Variants in ACO2 observed in about 807,000 individuals in gnomAD.
ACO2 encodes aconitate hydratase, mitochondrial.
In ACO2, 31 loss-of-function variants were observed where a neutral mutation model predicts 84.5. That is an observed-to-expected ratio of 0.37 (90% CI 0.28 to 0.50). The LOEUF is 0.50. Among genes scored for constraint, ACO2 ranks in the 20% least tolerant of loss-of-function variants. ACO2 has a pLI of 0.97. For missense variants in ACO2, 685 were observed against 1,029.3 expected (o/e 0.67, Z 4.58); for synonymous variants, 414 against 412.7 (o/e 1.00, Z -0.04).
At chr22:41,490,556 A>G (rs2066264709) in intron 1 of ACO2, among the ~76,000 whole-genome samples, 1 of 152,196 alleles carries the variant, frequency 6.6e-6, no homozygotes, top group Non-Finnish European at 1.5e-5. Flanking sequence ...CGCGGACAGT[A>G]CCTTTGCCTG....
chr22:41,512,031 T>G, intron 4 of ACO2, 63 bp downstream of exon 4: 7 of 1,362,474 alleles, frequency 5.1e-6, no homozygotes, highest in South Asian at 2.7e-5. Context: ...TCCAGGCCTA[T>G]GGGGGGAGGG....
chr22:41,520,754 A>AT (rs1695944726), intron 9 of ACO2, among the ~76,000 whole-genome samples: 1 of 151,758 alleles, frequency 6.6e-6, no homozygotes, highest in African/African-American at 2.4e-5. Context: ...AGGCAGGAGA[A>AT]TCGCTTGAAC....
intron 1 of ACO2, among the ~76,000 whole-genome samples, chr22:41,470,984 C>A (rs2037939770): frequency 6.6e-6 from 1 of 152,190 alleles, no homozygotes; most frequent in Admixed American, 6.5e-5. Context: ...AGAATAGTAT[C>A]ACACCATTTT....
At position 41,527,962 on chromosome 22, in the gene ACO2, C is replaced by G. The variant is rs770657342; in HGVS notation, c.2148C>G (p.Asn716Lys). The G allele has an allele frequency of 5.0e-6, 8 of 1,614,068 alleles. No homozygotes were observed. The highest frequency in any genetic ancestry group is 2.2e-5 in the South Asian group (2 of 91,088). The change falls in exon 17 of 18, where the codon AAC (asparagine) becomes AAG (lysine). Residue 716 changes from asparagine to lysine, a missense_variant. By Grantham distance (94) the Asn-to-Lys change is moderately conservative. This residue lies in a region of ACO2 where 174 missense variants were observed against 236.6 expected (regional missense o/e 0.74). Transcript: ENST00000216254. ...PLTFADPADYNKIHPVDKLTI... is the reference protein window; with the variant it reads ...PLTFADPADYKKIHPVDKLTI... ...CCTTCGCTGACCCGGCTGACTACAACAAGATTCACCCTGTGGACAAGCTGA... is the reference window on the plus strand; with the variant it reads ...CCTTCGCTGACCCGGCTGACTACAAGAAGATTCACCCTGTGGACAAGCTGA...
At chr22:41,526,716 CAAGG>C (rs2066605283) in intron 15 of ACO2, 1 of 429,884 alleles carries the variant, frequency 2.3e-6, no homozygotes, top group Non-Finnish European at 4.2e-6. Flanking sequence ...TAGACAAAGA[CAAGG>C]AAGGGGGCCG....
At chr22:41,510,281 C>T (rs563888546) in intron 3 of ACO2, among the ~76,000 whole-genome samples, 2 of 152,352 alleles carry the variant, frequency 1.3e-5, no homozygotes, top group African/African-American at 4.8e-5. Flanking sequence ...GGTCCTCCCA[C>T]ACCCCTTCCT....
In ACO2 at chr22:41,478,763, T is replaced by TC. The variant is rs1491104365; in HGVS notation, c.36+9582dup. ...CCCGCCCTGTCCCTGCCACATATCT[T>TC]CTTTTTTTTTTTTTTTTTTTTGAGA... On this transcript the variant is annotated intron_variant, in intron 1 of 17. Transcript: ENST00000216254. Among the ~76,000 whole-genome samples the TC allele has an allele frequency of 3.4e-3, 501 of 148,908 alleles. 3 individuals carry two copies. The highest frequency in any genetic ancestry group is 5.6e-3 in the Non-Finnish European group (376 of 67,404).
At chr22:41,524,653 G>A (rs1044800836) in intron 12 of ACO2, among the ~76,000 whole-genome samples, 193 bp from the exon 13 acceptor site, 2 of 152,238 alleles carry the variant, frequency 1.3e-5, no homozygotes, top group Admixed American at 6.5e-5. Context: ...GGCTTCCTGA[G>A]TCCTCTGCAG....
At chr22:41,486,376 C>G (rs897987395) in intron 1 of ACO2, among the ~76,000 whole-genome samples, 6 of 152,018 alleles carry the variant, frequency 3.9e-5, no homozygotes, top group Admixed American at 2.0e-4. Context: ...TCACTGCAAC[C>G]TCTGCCTCCC....
intron 1 of ACO2, among the ~76,000 whole-genome samples, chr22:41,471,124 T>C (rs1277281476): frequency 1.3e-5 from 2 of 152,148 alleles, no homozygotes; most frequent in Admixed American, 6.6e-5. Context: ...ATGATCTTCA[T>C]TGAACAAATG....
rs2006715 is a variant in ACO2 at position 41,523,846 on chromosome 22, G to A, written c.1387G>A (p.Gly463Arg). 4 of 1,612,042 alleles carry A rather than the reference G, an allele frequency of 2.5e-6. No individual in the cohort carries two copies. The highest frequency in any genetic ancestry group is 1.7e-5 in the Admixed American group (1 of 60,010). The change falls in exon 12 of 18, where the codon GGG becomes AGG. Residue 463 changes from glycine (G) to arginine (R), a missense_variant. Coordinates refer to ENST00000216254, the MANE Select transcript of ACO2 (RefSeq NM_001098.3). The part of the protein sequence containing the change: ...GQWDRKDIKK[G>R]EKNTIVTSYN... ...ACCTGGCAGGAAGGACATCAAGAAG[G>A]GGGAGAAGAACACAATCGTCACCTC...
In ACO2 at chr22:41,519,271, G is replaced by C. The variant is rs542806965; in HGVS notation, c.1032+699G>C. On this transcript the variant is annotated intron_variant, in intron 8 of 17. Transcript: ENST00000216254. ...GAGGAAGGGCAGGCTAGAGGATCCCGTCTGCAGGAGTTCACACCTCGGCTC... is the reference window on the plus strand; with the variant it reads ...GAGGAAGGGCAGGCTAGAGGATCCCCTCTGCAGGAGTTCACACCTCGGCTC... 5.9e-5 allele frequency among the ~76,000 whole-genome samples: 9 copies of C among 152,328 alleles called. No individual in the cohort carries two copies. The East Asian group carries it at 1.7e-3, about 29-fold the overall frequency.
At chr22:41,482,918 A>G (rs2038105637) in intron 1 of ACO2, among the ~76,000 whole-genome samples, 1 of 152,246 alleles carries the variant, frequency 6.6e-6, no homozygotes, top group African/African-American at 2.4e-5. Context: ...TTTTCATTTG[A>G]TTTAAGAAGC....
In ACO2 at chr22:41,515,423, C is replaced by T. The variant is rs1264450608; in HGVS notation, c.572C>T (p.Thr191Ile). 1.2e-6 allele frequency: 2 copies of T among 1,613,526 alleles called. No homozygotes were observed. The highest frequency in any genetic ancestry group is 1.7e-6 in the Non-Finnish European group (2 of 1,179,980). ...YAYPGVLLIG[T>I]DSHTPNGGGL... ...TACCCTGGTGTTCTTCTGATTGGCA[C>T]TGACTCCCACACCCCCAATGGTGGC... Residue 191 changes from threonine to isoleucine, a missense_variant, in exon 5 of 18, where the codon ACT (threonine) becomes ATT (isoleucine). Thr to Ile is a moderately conservative substitution (Grantham distance 89, BLOSUM62 -1). This residue lies in a region of ACO2 where 92 missense variants were observed against 203.7 expected (regional missense o/e 0.45). Coordinates refer to ENST00000216254, the MANE Select transcript of ACO2 (RefSeq NM_001098.3). This position sits in a 1 kb window ranked among gnomAD's most constrained non-coding sequence, Gnocchi z 5.8.
intron 1 of ACO2, among the ~76,000 whole-genome samples, chr22:41,476,513 G>C (rs1227974123): frequency 6.6e-6 from 1 of 151,408 alleles, no homozygotes; most frequent in Non-Finnish European, 1.5e-5. Context: ...TTTGAGACCA[G>C]CCTGACCAAC....
At chr22:41,476,637 G>A (rs2038017447) in intron 1 of ACO2, among the ~76,000 whole-genome samples, 1 of 152,032 alleles carries the variant, frequency 6.6e-6, no homozygotes, top group Non-Finnish European at 1.5e-5. Context: ...TTGAACCTGG[G>A]AGGCAGAGCT....
At chr22:41,493,052 C>T (rs1039584182) in intron 1 of ACO2, among the ~76,000 whole-genome samples, 1 of 152,190 alleles carries the variant, frequency 6.6e-6, no homozygotes, top group Non-Finnish European at 1.5e-5. Context: ...TGTGTCATCA[C>T]TTAGCAGAAG....
chr22:41,498,064 A>G (rs1056483297), intron 1 of ACO2, among the ~76,000 whole-genome samples: 28 of 152,172 alleles, frequency 1.8e-4, no homozygotes, highest in African/African-American at 6.8e-4. Context: ...GAAGTGCTTG[A>G]ACCCGGGAGG....
intron 16 of ACO2, 35 bp downstream of exon 16, chr22:41,527,455 C>A (rs765974455): frequency 6.3e-7 from 1 of 1,579,508 alleles, no homozygotes; most frequent in Non-Finnish European, 8.6e-7. Flanking sequence ...CATCCTCATC[C>A]CATCCCTAGT....
Sources: gnomAD v4.1 joint callset for allele counts (sites outside exome capture counted in the v4.1 genomes callset) on GRCh38, gnomAD v4.1.1 for gene constraint, gnomAD v4.1.1 regional missense constraint, Gnocchi (gnomAD v3.1) non-coding constraint, MANE v1.5 for transcripts, NCBI Gene and HGNC (gene_info 2026-07-23, HGNC 2026-07-21) for gene names.